The following FGF10 variants were observed in gnomAD, a reference collection of about 807,000 sequenced individuals.
FGF10 encodes FGF-10.
Under a neutral mutation model 19.8 loss-of-function variants are expected in FGF10, and 2 were observed. The observed-to-expected ratio is 0.10, with a 90% CI of 0.04 to 0.32. FGF10 has a LOEUF of 0.32. Ranked by LOEUF, FGF10 falls within the 10% of genes least tolerant of loss-of-function variation. The pLI, the probability that FGF10 is intolerant of heterozygous loss-of-function variation, is 1.00. For synonymous variants in FGF10, 112 were observed against 94.0 expected (o/e 1.19, Z -1.10); for missense variants, 191 against 246.3 (o/e 0.78, Z 1.50).
intron 1 of FGF10, among the ~76,000 whole-genome samples, chr5:44,311,276 A>G (rs1295625816): frequency 6.6e-6 from 1 of 152,072 alleles, no homozygotes; most frequent in Non-Finnish European, 1.5e-5. Flanking sequence ...TGCTGCATCT[A>G]AAGATAATTT....
chr5:44,358,735 G>T (rs776455224), intron 1 of FGF10, among the ~76,000 whole-genome samples: 8 of 151,490 alleles, frequency 5.3e-5, no homozygotes, highest in Non-Finnish European at 1.2e-4. Context: ...AACATTTCAT[G>T]AAGAATCTGT....
At chr5:44,321,729 A>C (rs980537530) in intron 1 of FGF10, among the ~76,000 whole-genome samples, 2 of 152,134 alleles carry the variant, frequency 1.3e-5, no homozygotes, top group African/African-American at 4.8e-5. Flanking sequence ...GTCTGTTTGC[A>C]CAGTTCTGTG....
At chr5:44,385,943 T>C (rs1011462048) in intron 1 of FGF10, among the ~76,000 whole-genome samples, 1 of 152,164 alleles carries the variant, frequency 6.6e-6, no homozygotes, top group African/African-American at 2.4e-5. Flanking sequence ...TTATTTATGG[T>C]TTGACAATAT....
chr5:44,381,795 T>G (rs775039685), intron 1 of FGF10, among the ~76,000 whole-genome samples: 1 of 152,176 alleles, frequency 6.6e-6, no homozygotes, highest in Non-Finnish European at 1.5e-5. Flanking sequence ...GTTCTAAATC[T>G]TGCAGCAATC....
At chr5:44,331,995 T>A (rs1021843405) in intron 1 of FGF10, among the ~76,000 whole-genome samples, 1 of 151,970 alleles carries the variant, frequency 6.6e-6, no homozygotes, top group African/African-American at 2.4e-5. Context: ...AAAAAAAACC[T>A]ACCAATTCCT....
chr5:44,386,586 A>G (rs1742102248), intron 1 of FGF10, among the ~76,000 whole-genome samples: 1 of 152,232 alleles, frequency 6.6e-6, no homozygotes, highest in African/African-American at 2.4e-5. Flanking sequence ...TAAAGGTTAT[A>G]TACATAGGAT....
At chr5:44,344,575 T>TGTGTGTGTGTGTGC (rs1741043234) in intron 1 of FGF10, among the ~76,000 whole-genome samples, 2 of 143,284 alleles carry the variant, frequency 1.4e-5, no homozygotes, top group Non-Finnish European at 3.0e-5. Context: ...TCTCTGTGTG[T>TGTGTGTGTGTGTGC]GTGTGTGTGT....
At chr5:44,320,417 T>C (rs72763179) in intron 1 of FGF10, among the ~76,000 whole-genome samples, 11,460 of 151,882 alleles carry the variant, frequency 0.075, 552 homozygotes, top group Middle Eastern at 0.11. Context: ...CCAAAATGAG[T>C]AAAAAACAAA....
In FGF10 at chr5:44,301,493, C is replaced by T. The variant is rs1007205676; in HGVS notation, c.*3502G>A. ...TTCTCTCTAATTTTCAAATCAAATT[C>T]ATTGGTCATTCATCCCCTTGAAATC... On this transcript the variant is annotated 3_prime_UTR_variant, in exon 3 of 3. Transcript: ENST00000264664. Among the ~76,000 whole-genome samples the T allele has an allele frequency of 3.3e-5, 5 of 152,130 alleles. No homozygotes were observed. Among genetic ancestry groups the T allele is most frequent in the African/African-American group, 1.2e-4 (5 of 41,438 alleles).
At chr5:44,371,650 C>T (rs1741744282) in intron 1 of FGF10, among the ~76,000 whole-genome samples, 1 of 152,054 alleles carries the variant, frequency 6.6e-6, no homozygotes, top group Admixed American at 6.5e-5. Flanking sequence ...ATCAAACAAC[C>T]AAAGCCCTTT....
At chr5:44,343,717 A>G (rs1265913847) in intron 1 of FGF10, among the ~76,000 whole-genome samples, 2 of 152,000 alleles carry the variant, frequency 1.3e-5, no homozygotes, top group Admixed American at 6.6e-5. Flanking sequence ...TTGCCAAAAC[A>G]TAGCATATAG....
chr5:44,381,130 A>T (rs1320132519), intron 1 of FGF10, among the ~76,000 whole-genome samples: 1 of 152,190 alleles, frequency 6.6e-6, no homozygotes, highest in Non-Finnish European at 1.5e-5. Context: ...CAGAATGATG[A>T]TCTAGTAATG....
intron 1 of FGF10, among the ~76,000 whole-genome samples, chr5:44,320,368 T>C (rs1740455810): frequency 2.6e-5 from 4 of 152,170 alleles, no homozygotes; most frequent in Admixed American, 2.0e-4. Flanking sequence ...TGTGCACTTG[T>C]TTCAGTCACA....
rs186455276 is a variant in FGF10 at position 44,374,184 on chromosome 5, T to C, written c.325+14174A>G. ...TCCATCTTCAAAGACAACAACATTG[T>C]ATCTTTAAATCTTTCTGTTTCCATT... On this transcript the variant is annotated intron_variant, in intron 1 of 2. Transcript: ENST00000264664. 7.9e-5 allele frequency among the ~76,000 whole-genome samples: 12 copies of C among 152,262 alleles called. No homozygotes were observed. The East Asian group carries it at 1.5e-3, about 20-fold the overall frequency.
chr5:44,375,427 G>A (rs1262431494), intron 1 of FGF10, among the ~76,000 whole-genome samples: 3 of 152,130 alleles, frequency 2.0e-5, no homozygotes, highest in Non-Finnish European at 2.9e-5. Flanking sequence ...ATTCCAGGCC[G>A]ACCTAGCAGT....
In FGF10 at chr5:44,388,561, C is replaced by A; in HGVS notation, c.122G>T (p.Gly41Val). ...SSVPVTCQAL[G>V]QDMVSPEATN... is the part of the protein sequence containing the mutation. ...GGCCTCTGGTGACACCATGTCCTGA[C>A]CAAGGGCTTGGCAGGTGACAGGGAC... Residue 41 changes from glycine (G) to valine (V), a missense_variant, in exon 1 of 3, where the codon GGT (glycine) becomes GTT (valine). Gly to Val is a moderately radical substitution (Grantham distance 109). Transcript: ENST00000264664. 1 of 1,614,072 alleles carries A rather than the reference C, an allele frequency of 6.2e-7. No individual in the cohort carries two copies. The highest frequency in any genetic ancestry group is 8.5e-7 in the Non-Finnish European group (1 of 1,180,024).
At chr5:44,350,179 A>G (rs1741199862) in intron 1 of FGF10, among the ~76,000 whole-genome samples, 1 of 150,598 alleles carries the variant, frequency 6.6e-6, no homozygotes, top group Non-Finnish European at 1.5e-5. Flanking sequence ...AATATATATA[A>G]TAAATGTATA....
At chr5:44,318,174 T>A (rs560940632) in intron 1 of FGF10, among the ~76,000 whole-genome samples, 14 of 152,252 alleles carry the variant, frequency 9.2e-5, no homozygotes, top group African/African-American at 3.4e-4. Context: ...TGCAATGGGA[T>A]AAATTGCGGG....
At chr5:44,331,375 T>C (rs962327660) in intron 1 of FGF10, among the ~76,000 whole-genome samples, 4 of 152,124 alleles carry the variant, frequency 2.6e-5, no homozygotes, top group African/African-American at 7.2e-5. Context: ...CTTACATCCA[T>C]AAACTTCATG....
Sources: allele counts gnomAD v4.1 joint callset (sites outside exome capture counted in the v4.1 genomes callset), GRCh38; gene constraint gnomAD v4.1.1; transcripts MANE v1.5; gene names NCBI Gene and HGNC (gene_info 2026-07-23, HGNC 2026-07-21).